RREB1: variants seen among roughly 807,000 people sequenced by gnomAD.
RREB1 encodes ras-responsive element-binding protein 1.
A neutral mutation model predicts 117.8 loss-of-function variants in RREB1; 27 were observed. That is an observed-to-expected ratio of 0.23 (90% CI 0.17 to 0.32). The LOEUF (loss-of-function observed/expected upper bound fraction) is 0.32. RREB1 is among the 10% of genes least tolerant of loss of function. The probability of loss-of-function intolerance (pLI) is 1.00; values close to 1 mark genes in which losing one functional copy is unlikely to be tolerated. For synonymous variants in RREB1, 1,298 were observed against 1,026.7 expected (o/e 1.26, Z -5.05); for missense variants, 2,577 against 2,378.2 (o/e 1.08, Z -1.74).
chr6:7,205,116 G>A (rs1228010524), intron 6 of RREB1, among the ~76,000 whole-genome samples: 2 of 152,212 alleles, frequency 1.3e-5, no homozygotes, highest in African/African-American at 4.8e-5. Flanking sequence ...TGCAAACGGT[G>A]CAGAGAGCTG....
intron 1 of RREB1, among the ~76,000 whole-genome samples, chr6:7,130,929 CTTTT>C (rs61305060): frequency 1.1e-4 from 5 of 45,716 alleles, no homozygotes; most frequent in African/African-American, 2.2e-4. Context: ...ATAGTCATGT[CTTTT>C]TTTTTTTTTT....
rs554470258 is a variant in RREB1, at chr6:7,147,630, C to G, written c.-284-29025C>G. 3.9e-5 allele frequency among the ~76,000 whole-genome samples: 6 copies of G among 152,134 alleles called. No individual in the cohort carries two copies. In the South Asian group the frequency reaches 1.2e-3, roughly 31 times the overall value. ...ATCCCGTGTCCTAAGCTGATAAGCCCCTCTCTGTCTGCCTCCATCAAGCTT... is the reference window on the plus strand; with the variant it reads ...ATCCCGTGTCCTAAGCTGATAAGCCGCTCTCTGTCTGCCTCCATCAAGCTT... On this transcript the variant is annotated intron_variant, in intron 1 of 12. Transcript: ENST00000379938.
intron 1 of RREB1, among the ~76,000 whole-genome samples, chr6:7,157,204 G>A (rs939044031): frequency 6.6e-6 from 1 of 152,202 alleles, no homozygotes; most frequent in African/African-American, 2.4e-5. Flanking sequence ...TGCAGAGGCA[G>A]GCAGATGGCT....
intron 1 of RREB1, among the ~76,000 whole-genome samples, chr6:7,145,351 G>A (rs606333): frequency 0.22 from 33,156 of 152,106 alleles, 5,206 homozygotes; most frequent in African/African-American, 0.44. Context: ...CCTGTGATTA[G>A]TATGTGTGTT....
At chr6:7,172,454 C>G (rs1764260889) in intron 1 of RREB1, among the ~76,000 whole-genome samples, 1 of 151,828 alleles carries the variant, frequency 6.6e-6, no homozygotes, top group Admixed American at 6.6e-5. Context: ...TGCTGTGTTG[C>G]CCAGGCTGGT....
chr6:7,159,347 A>G (rs1366851973), intron 1 of RREB1, among the ~76,000 whole-genome samples: 1 of 152,302 alleles, frequency 6.6e-6, no homozygotes, highest in Admixed American at 6.5e-5. Flanking sequence ...ACACTGAGAA[A>G]GTTTTAACCT....
Position 7,155,825 on chromosome 6 carries a change from G to A in RREB1, c.-284-20830G>A, listed in dbSNP as rs1031230451. Among the ~76,000 whole-genome samples, 4 of 152,166 alleles carry A rather than the reference G, an allele frequency of 2.6e-5. No individual in the cohort carries two copies. In the East Asian group the frequency reaches 7.7e-4, roughly 29 times the overall value. On this transcript the variant is annotated intron_variant, in intron 1 of 12. Transcript: ENST00000379938. ...AACTGCATTTTCTTTCTTCCAGGTG[G>A]GTCTATTATTTGTTGTTGTTTAGGT...
Position 7,246,694 on chromosome 6 carries a change from G to T in RREB1, c.4244G>T (p.Ser1415Ile). 2 of 1,584,380 alleles carry T rather than the reference G, an allele frequency of 1.3e-6. No homozygotes were observed. The highest frequency in any genetic ancestry group is 1.7e-6 in the Non-Finnish European group (2 of 1,165,692). Residue 1415 changes from serine to isoleucine, a missense_variant, in exon 12 of 13, where the codon AGC becomes ATC. By Grantham distance (142) the Ser-to-Ile change is moderately radical. Coordinates refer to ENST00000379938, the MANE Select transcript of RREB1 (RefSeq NM_001003699.4). Reference sequence around the variant, plus strand: ...GAAGAGGACGCGTCGAGCAACCAGAGCCTGGACCTGGACTTCGCCACCAAG... The same window carrying T: ...GAAGAGGACGCGTCGAGCAACCAGATCCTGGACCTGGACTTCGCCACCAAG... ...GAEEDASSNQ[S>I]LDLDFATKLM...
intron 1 of RREB1, among the ~76,000 whole-genome samples, chr6:7,109,962 G>T (rs1289421304): frequency 6.6e-6 from 1 of 152,188 alleles, no homozygotes; most frequent in African/African-American, 2.4e-5. Context: ...TTAGAGTTTA[G>T]ATTTAAGCTT....
chr6:7,123,291 G>A (rs1761758749), intron 1 of RREB1, among the ~76,000 whole-genome samples: 1 of 152,004 alleles, frequency 6.6e-6, no homozygotes, highest in South Asian at 2.1e-4. Flanking sequence ...CTGAGGAGCT[G>A]GGACTCTGTA....
intron 1 of RREB1, among the ~76,000 whole-genome samples, chr6:7,139,998 C>T (rs1762494429): frequency 6.6e-6 from 1 of 152,136 alleles, no homozygotes. Flanking sequence ...TTGCAGTGTG[C>T]TGAATGGTTA....
At chr6:7,159,415 C>T (rs74991591) in intron 1 of RREB1, among the ~76,000 whole-genome samples, 4,653 of 152,298 alleles carry the variant, frequency 0.031, 180 homozygotes, top group African/African-American at 0.087. Flanking sequence ...AATAACGGGA[C>T]AGCCGCATAG....
At chr6:7,132,436 G>A (rs893616878) in intron 1 of RREB1, among the ~76,000 whole-genome samples, 1 of 152,178 alleles carries the variant, frequency 6.6e-6, no homozygotes, top group Admixed American at 6.5e-5. Flanking sequence ...AAAGTGGTGG[G>A]ATTAGAGACG....
chr6:7,115,505 G>C (rs1178169830), intron 1 of RREB1, among the ~76,000 whole-genome samples: 1 of 152,112 alleles, frequency 6.6e-6, no homozygotes, highest in African/African-American at 2.4e-5. Context: ...CCACTTTATA[G>C]ACATGTGCAA....
At chr6:7,151,259 G>T (rs1581455892) in intron 1 of RREB1, among the ~76,000 whole-genome samples, 1 of 152,068 alleles carries the variant, frequency 6.6e-6, no homozygotes, top group South Asian at 2.1e-4. Flanking sequence ...TATGTATAAG[G>T]GGGGAGCTGA....
intron 10 of RREB1, among the ~76,000 whole-genome samples, chr6:7,235,842 G>A (rs1220824961): frequency 6.6e-6 from 1 of 152,222 alleles, no homozygotes; most frequent in Non-Finnish European, 1.5e-5. Flanking sequence ...TGTCCAACGA[G>A]GGGTATACCT....
At chr6:7,135,786 G>A (rs1762324738) in intron 1 of RREB1, among the ~76,000 whole-genome samples, 1 of 152,178 alleles carries the variant, frequency 6.6e-6, no homozygotes, top group South Asian at 2.1e-4. Context: ...GCCCTTTCAA[G>A]TTGCTCTAGG....
chr6:7,211,249 AC>A (rs1176449422), intron 7 of RREB1, among the ~76,000 whole-genome samples: 5 of 120,734 alleles, frequency 4.1e-5, no homozygotes, highest in Non-Finnish European at 8.0e-5. Flanking sequence ...TTTTGTCCTC[AC>A]TTTTTTATTA....
rs1183401450 is a variant in RREB1 at position 7,250,272 on chromosome 6, C to T, written c.*1304C>T. The T allele has an allele frequency of 6.6e-6, 1 of 152,190 alleles. No individual in the cohort carries two copies. The highest frequency in any genetic ancestry group is 1.5e-5 in the Non-Finnish European group (1 of 68,038). The allele number at this position is 152,190 out of a possible 1,614,324, so 9.4% of individuals were successfully genotyped here. On this transcript the variant is annotated 3_prime_UTR_variant, in exon 13 of 13. Transcript: ENST00000379938. ...TTTGCAAAGCAAGGAAATACTACTA[C>T]TGGTAATAAAACTACACATGCAAGA...
Sources: allele counts gnomAD v4.1 joint callset (sites outside exome capture counted in the v4.1 genomes callset), GRCh38; gene constraint gnomAD v4.1.1; transcripts MANE v1.5; gene names NCBI Gene and HGNC (gene_info 2026-07-23, HGNC 2026-07-21).